The following AFF3 variants were observed in gnomAD, a reference collection of about 807,000 sequenced individuals.
AFF3 encodes AF4/FMR2 family member 3.
A neutral mutation model predicts 129.7 loss-of-function variants in AFF3; 32 were observed. The observed-to-expected ratio is 0.25, with a 90% CI of 0.19 to 0.33. The LOEUF (loss-of-function observed/expected upper bound fraction) is 0.33, where lower values mean the gene tolerates loss of function less well. Ranked by LOEUF, AFF3 falls within the 10% of genes least tolerant of loss-of-function variation. The probability of loss-of-function intolerance (pLI) is 1.00; values close to 1 mark genes in which losing one functional copy is unlikely to be tolerated. For synonymous variants in AFF3, 644 were observed against 635.4 expected (o/e 1.01, Z -0.20); for missense variants, 1,373 against 1,592.0 (o/e 0.86, Z 2.34).
chr2:100,060,528 C>T (rs758848385), intron 4 of AFF3, among the ~76,000 whole-genome samples: 9 of 152,096 alleles, frequency 5.9e-5, no homozygotes, highest in Non-Finnish European at 1.2e-4. Context: ...ATACAGGTAA[C>T]ACTATAGATA....
intron 15 of AFF3, among the ~76,000 whole-genome samples, chr2:99,591,232 G>A (rs1678647802): frequency 6.6e-6 from 1 of 151,738 alleles, no homozygotes; most frequent in African/African-American, 2.4e-5. Flanking sequence ...TGTTGCCTAG[G>A]CTGGAGTGCA....
At chr2:100,005,381 T>C (rs946593296) in intron 7 of AFF3, among the ~76,000 whole-genome samples, 1 of 152,204 alleles carries the variant, frequency 6.6e-6, no homozygotes, top group Non-Finnish European at 1.5e-5. Flanking sequence ...ATTGAAATAA[T>C]GAAGGGGTTC....
At chr2:99,908,750 A>C (rs1694900985) in intron 7 of AFF3, among the ~76,000 whole-genome samples, 1 of 152,328 alleles carries the variant, frequency 6.6e-6, no homozygotes, top group South Asian at 2.1e-4. Context: ...GCCATCAGAG[A>C]AATGCAAATC....
chr2:99,978,815 C>T lies in AFF3; in HGVS notation c.873+27817G>A, dbSNP rs73964390. ...ATACAGCAATAAGATGTTATCTATGCGGGCAGGCCCTCACCAGATAACGAA... is the reference window on the plus strand; with the variant it reads ...ATACAGCAATAAGATGTTATCTATGTGGGCAGGCCCTCACCAGATAACGAA... On this transcript the variant is annotated intron_variant, in intron 7 of 24. Coordinates refer to ENST00000672756, the MANE Select transcript of AFF3 (RefSeq NM_001386135.1). Among the ~76,000 whole-genome samples the T allele has an allele frequency of 4.9e-3, 751 of 152,312 alleles. 6 individuals are homozygous for T. Among genetic ancestry groups the T allele is most frequent in the African/African-American group, 0.017 (704 of 41,570 alleles).
chr2:99,776,850 C>T (rs555081790), intron 8 of AFF3, among the ~76,000 whole-genome samples: 2 of 152,314 alleles, frequency 1.3e-5, no homozygotes, highest in Non-Finnish European at 2.9e-5. Flanking sequence ...GATAGCAGCC[C>T]TGCATAAGGC....
intron 7 of AFF3, among the ~76,000 whole-genome samples, chr2:99,967,339 G>C (rs1253095935): frequency 1.4e-5 from 2 of 146,112 alleles, no homozygotes; most frequent in African/African-American, 5.1e-5. Context: ...TTCACATCTT[G>C]CCTGATCCTT....
At chr2:99,691,034 T>A (rs915087253) in intron 11 of AFF3, among the ~76,000 whole-genome samples, 2 of 152,150 alleles carry the variant, frequency 1.3e-5, no homozygotes, top group Non-Finnish European at 2.9e-5. Flanking sequence ...TTTGCCCTCA[T>A]GTCTAGGGCC....
At chr2:99,931,276 T>C (rs549226561) in intron 7 of AFF3, among the ~76,000 whole-genome samples, 22 of 152,344 alleles carry the variant, frequency 1.4e-4, no homozygotes, top group African/African-American at 5.3e-4. Context: ...TCCCTGGAGA[T>C]GTCAAGAAAA....
At chr2:99,898,456 C>T (rs1240635584) in intron 7 of AFF3, among the ~76,000 whole-genome samples, 1 of 152,182 alleles carries the variant, frequency 6.6e-6, no homozygotes, top group Non-Finnish European at 1.5e-5. Context: ...CTGACCACAG[C>T]TCTCCAAGCC....
intron 7 of AFF3, among the ~76,000 whole-genome samples, chr2:99,947,455 C>T (rs138883888): frequency 2.3e-5 from 3 of 131,534 alleles, no homozygotes; most frequent in African/African-American, 8.6e-5. Flanking sequence ...GATAGAAAGA[C>T]AGGAAAGACA....
chr2:99,741,282 T>C (rs372635583), intron 10 of AFF3, among the ~76,000 whole-genome samples: 2 of 152,208 alleles, frequency 1.3e-5, no homozygotes, highest in East Asian at 1.9e-4. Flanking sequence ...TCAAATTGTC[T>C]CTGTTTGCAG....
At chr2:99,640,113 G>T (rs1684053228) in intron 13 of AFF3, among the ~76,000 whole-genome samples, 1 of 152,130 alleles carries the variant, frequency 6.6e-6, no homozygotes, top group African/African-American at 2.4e-5. Context: ...GAGAAAACAG[G>T]CTCTAGTAAA....
At chr2:99,653,684 G>C (rs1685482376) in intron 12 of AFF3, among the ~76,000 whole-genome samples, 1 of 152,176 alleles carries the variant, frequency 6.6e-6, no homozygotes, top group Non-Finnish European at 1.5e-5. Flanking sequence ...TAGAGCAAGG[G>C]CTGCTTTCCT....
intron 7 of AFF3, among the ~76,000 whole-genome samples, chr2:99,861,254 G>A (rs1690976211): frequency 6.6e-6 from 1 of 152,186 alleles, no homozygotes; most frequent in Non-Finnish European, 1.5e-5. Context: ...TTCCAACATT[G>A]CCAATTCAAA....
At chr2:99,783,101 T>C (rs1052410837) in intron 8 of AFF3, among the ~76,000 whole-genome samples, 3 of 152,336 alleles carry the variant, frequency 2.0e-5, no homozygotes, top group South Asian at 2.1e-4. Context: ...AAATCCATTA[T>C]TGACAGAAGG....
chr2:99,794,978 C>T (rs141236371), intron 8 of AFF3, among the ~76,000 whole-genome samples: 35 of 152,238 alleles, frequency 2.3e-4, no homozygotes, highest in African/African-American at 7.0e-4. Flanking sequence ...CTCAAAAGTA[C>T]GAACCTGATG....
intron 7 of AFF3, among the ~76,000 whole-genome samples, chr2:99,853,066 G>C (rs1690267077): frequency 6.6e-6 from 1 of 152,146 alleles, no homozygotes; most frequent in Admixed American, 6.5e-5. Context: ...AAATGGAAAT[G>C]CTGCTGAGCC....
At chr2:99,805,372 GATA>G (rs1651280480) in intron 8 of AFF3, among the ~76,000 whole-genome samples, 2 of 152,170 alleles carry the variant, frequency 1.3e-5, no homozygotes, top group African/African-American at 4.8e-5. Context: ...GTGGTATTAT[GATA>G]ATAATTCAAG....
chr2:100,061,480 G>C (rs886998452), intron 4 of AFF3, among the ~76,000 whole-genome samples: 1 of 151,980 alleles, frequency 6.6e-6, no homozygotes, highest in African/African-American at 2.4e-5. Context: ...TAAAACAACT[G>C]GCCAGCATGG....
Sources: gnomAD v4.1 joint callset for allele counts (sites outside exome capture counted in the v4.1 genomes callset) on GRCh38, gnomAD v4.1.1 for gene constraint, MANE v1.5 for transcripts, NCBI Gene and HGNC (gene_info 2026-07-23, HGNC 2026-07-21) for gene names.